Variants in RANBP17 observed in about 807,000 individuals in gnomAD.
RANBP17 encodes the protein RAN binding protein 17.
Under a neutral mutation model 141.2 loss-of-function variants are expected in RANBP17, and 158 were observed. That is an observed-to-expected ratio of 1.12 (90% CI 0.98 to 1.28). The LOEUF (loss-of-function observed/expected upper bound fraction) is 1.28. Among genes scored for constraint, RANBP17 ranks in the 50% most tolerant of loss-of-function variants. RANBP17 has a pLI of 0.00. For missense variants in RANBP17, 1,438 were observed against 1,290.7 expected, an observed-to-expected ratio of 1.11 and a Z score of -1.75; for synonymous variants, 430 against 450.0, an observed-to-expected ratio of 0.96 and a Z score of 0.56.
intron 14 of RANBP17, among the ~76,000 whole-genome samples, chr5:171,043,683 TCAATTTCTTTATATGTATGTAAC>T (rs1782392354): frequency 6.6e-6 from 1 of 152,326 alleles, no homozygotes; most frequent in Admixed American, 6.5e-5. Flanking sequence ...CTTCCAATTC[TCAATTTCTTTATATGTATGTAAC>T]TAGAGGGAGT....
chr5:171,102,893 C>CA (rs955539977), intron 14 of RANBP17, among the ~76,000 whole-genome samples: 3 of 152,132 alleles, frequency 2.0e-5, no homozygotes, highest in Non-Finnish European at 4.4e-5. Flanking sequence ...TGGGGGCCCA[C>CA]ACCAGACCCT....
chr5:170,972,029 C>A (rs1300568536), intron 14 of RANBP17, among the ~76,000 whole-genome samples: 2 of 152,096 alleles, frequency 1.3e-5, no homozygotes, highest in Admixed American at 6.6e-5. Context: ...TCTGATTTCA[C>A]TTCTCTAGCT....
chr5:171,171,225 T>G lies in RANBP17; in HGVS notation c.1804T>G (p.Trp602Gly). The change falls in exon 16 of 28, where the codon TGG becomes GGG. Residue 602 changes from tryptophan to glycine, a missense_variant. By Grantham distance (184) the Trp-to-Gly change is radical (BLOSUM62 -2). Coordinates refer to ENST00000523189, the MANE Select transcript of RANBP17 (RefSeq NM_022897.5). ...ATTTAGTGTTACAAACCTTAAATAC[T>G]GGGGAAGATATGAGCCTGTAATTTC... ...MTKIVTNLKY[W>G]GRYEPVISRT... is the part of the protein sequence containing the mutation. The G allele has an allele frequency of 6.3e-7, 1 of 1,591,544 alleles. No homozygotes were observed. Among genetic ancestry groups the G allele is most frequent in the Non-Finnish European group, 8.6e-7 (1 of 1,165,432 alleles).
At chr5:170,960,383 C>CCA (rs1411340412) in intron 13 of RANBP17, among the ~76,000 whole-genome samples, 1 of 152,132 alleles carries the variant, frequency 6.6e-6, no homozygotes. Flanking sequence ...ATGTTGTATC[C>CCA]CACATGCACC....
intron 14 of RANBP17, among the ~76,000 whole-genome samples, chr5:171,090,721 G>A (rs1485965332): frequency 6.6e-6 from 1 of 152,142 alleles, no homozygotes; most frequent in Non-Finnish European, 1.5e-5. Flanking sequence ...GGGACTTGGT[G>A]CCCTGTGTCC....
intron 5 of RANBP17, among the ~76,000 whole-genome samples, chr5:170,907,876 A>G (rs1771198858): frequency 6.6e-6 from 1 of 151,980 alleles, no homozygotes; most frequent in South Asian, 2.1e-4. Flanking sequence ...AAAGACATGA[A>G]CAGACACTTC....
At chr5:171,197,912 G>A (rs191810739) in intron 18 of RANBP17, among the ~76,000 whole-genome samples, 2 of 152,218 alleles carry the variant, frequency 1.3e-5, no homozygotes, top group African/African-American at 4.8e-5. Flanking sequence ...TGTGGCAGGC[G>A]CCTGTAGTCC....
intron 24 of RANBP17, among the ~76,000 whole-genome samples, chr5:171,263,842 C>T (rs961444499): frequency 7.9e-5 from 12 of 152,144 alleles, no homozygotes; most frequent in African/African-American, 2.7e-4. Context: ...GCTGGCAGAT[C>T]GCTTGAGCTC....
At chr5:170,866,987 A>G (rs1488000466) in intron 1 of RANBP17, 2 of 152,256 alleles carry the variant, frequency 1.3e-5, no homozygotes, top group East Asian at 1.9e-4. Flanking sequence ...CCTCCCATCA[A>G]TATGGGAATG....
At chr5:170,903,868 G>A in intron 5 of RANBP17, 1 of 477,666 alleles carries the variant, frequency 2.1e-6, no homozygotes, top group Admixed American at 2.5e-5. Context: ...AGATTTGAAG[G>A]GTCCCTTAAT....
intron 3 of RANBP17, among the ~76,000 whole-genome samples, chr5:170,890,970 C>T (rs1358524607): frequency 2.0e-5 from 3 of 152,038 alleles, no homozygotes; most frequent in Non-Finnish European, 4.4e-5. Flanking sequence ...GGACTGTAGG[C>T]GCATGTCACA....
At chr5:171,246,259 G>T (rs1204979335) in intron 24 of RANBP17, among the ~76,000 whole-genome samples, 1 of 152,158 alleles carries the variant, frequency 6.6e-6, no homozygotes, top group Non-Finnish European at 1.5e-5. Context: ...ACTCTCTTAC[G>T]TAGGTCCCAC....
chr5:171,248,904 C>T (rs987630231), intron 24 of RANBP17, among the ~76,000 whole-genome samples: 1 of 152,094 alleles, frequency 6.6e-6, no homozygotes, highest in Non-Finnish European at 1.5e-5. Flanking sequence ...AGAATCTGCT[C>T]GCCCACCCAG....
intron 20 of RANBP17, 45 bp downstream of exon 20, chr5:171,205,657 G>GT: frequency 6.8e-7 from 1 of 1,462,820 alleles, no homozygotes; most frequent in Non-Finnish European, 9.6e-7. Context: ...TGCACAGAGG[G>GT]ATGCCAGGCC....
At chr5:171,105,308 G>A (rs1050614258) in intron 14 of RANBP17, among the ~76,000 whole-genome samples, 5 of 146,368 alleles carry the variant, frequency 3.4e-5, no homozygotes, top group Non-Finnish European at 6.0e-5. Flanking sequence ...CGTGAACCCG[G>A]GAGGCGGAGC....
rs113851549 is a variant in RANBP17, at chr5:171,200,069, A to G, written c.2142+296A>G. 1.7e-3 allele frequency among the ~76,000 whole-genome samples: 266 copies of G among 152,166 alleles called. 9 individuals are homozygous for G. In the South Asian group the frequency reaches 0.039, roughly 22 times the overall value. On this transcript the variant is annotated intron_variant, in intron 19 of 27. Coordinates refer to ENST00000523189, the MANE Select transcript of RANBP17 (RefSeq NM_022897.5). ...TTCTTGTGGGTACACCACTTTAAAC[A>G]CCCCTATTCCCTCATCTATCCTGCA...
At chr5:171,060,492 C>T (rs1191134374) in intron 14 of RANBP17, among the ~76,000 whole-genome samples, 2 of 152,016 alleles carry the variant, frequency 1.3e-5, no homozygotes, top group Non-Finnish European at 2.9e-5. Context: ...TTGAACCAGC[C>T]TTGCATCCCA....
Position 171,018,214 on chromosome 5 carries a change from C to T in RANBP17, c.1710+49837C>T, listed in dbSNP as rs1478318306. 2.0e-5 allele frequency among the ~76,000 whole-genome samples: 3 copies of T among 152,000 alleles called. No homozygotes were observed. The East Asian group carries it at 5.8e-4, about 29-fold the overall frequency. On this transcript the variant is annotated intron_variant, in intron 14 of 27. Transcript: ENST00000523189. ...GATGCCTCCAGCTTTGTTCTTTTTG[C>T]TTAAGATTGTCTTGGCTATATGGGC...
intron 14 of RANBP17, among the ~76,000 whole-genome samples, chr5:171,103,125 G>A (rs772062201): frequency 2.0e-5 from 3 of 152,174 alleles, no homozygotes; most frequent in African/African-American, 7.2e-5. Context: ...GAGCTCTAGC[G>A]CTGTGCTGAG....
Sources: allele counts gnomAD v4.1 joint callset (sites outside exome capture counted in the v4.1 genomes callset), GRCh38; gene constraint gnomAD v4.1.1; transcripts MANE v1.5; gene names NCBI Gene and HGNC (gene_info 2026-07-23, HGNC 2026-07-21).